The following LRRIQ1 variants were observed in gnomAD, a reference collection of about 807,000 sequenced individuals.
LRRIQ1 encodes the protein leucine-rich repeat- and IQ domain-containing protein 1.
A neutral mutation model predicts 211.9 loss-of-function variants in LRRIQ1; 210 were observed. The observed-to-expected ratio is 0.99, with a 90% confidence interval of 0.89 to 1.11. The LOEUF is 1.11. Ranked by LOEUF, LRRIQ1 falls within the 50% of genes most tolerant of loss-of-function variation. LRRIQ1 has a pLI of 0.00. For missense variants in LRRIQ1, 2,136 were observed against 1,939.5 expected (o/e 1.10, Z -1.90); for synonymous variants, 699 against 650.1 (o/e 1.08, Z -1.14).
At position 85,106,096 on chromosome 12, in the gene LRRIQ1, C is replaced by G. The variant is rs943089087; in HGVS notation, c.3284-426C>G. On this transcript the variant is annotated intron_variant, in intron 14 of 26. Coordinates refer to ENST00000393217, the MANE Select transcript of LRRIQ1 (RefSeq NM_001079910.2). ...CAGGTGTGAGCCACTGCCTCCGGCC[C>G]TATATTGACTTTTTTAAGGTAAAAA... 1.8e-4 allele frequency among the ~76,000 whole-genome samples: 28 copies of G among 152,012 alleles called. 1 individual carries two copies. Among genetic ancestry groups the G allele is most frequent in the Non-Finnish European group, 1.9e-4 (13 of 67,976 alleles).
downstream of LRRIQ1, chr12:85,245,113 A>C (rs1177649559): frequency 3.4e-6 from 4 of 1,164,938 alleles, no homozygotes; most frequent in Admixed American, 1.0e-4. Context: ...TAACTGCATC[A>C]GTTTTTATTT....
chr12:85,081,970 G>A (rs955347227), intron 11 of LRRIQ1, among the ~76,000 whole-genome samples: 3 of 151,808 alleles, frequency 2.0e-5, no homozygotes, highest in African/African-American at 4.8e-5. Context: ...TCATCTGCTC[G>A]CCTCGGCGTC....
At chr12:85,238,525 G>A (rs1895303555) in intron 26 of LRRIQ1, among the ~76,000 whole-genome samples, 1 of 151,918 alleles carries the variant, frequency 6.6e-6, no homozygotes, top group South Asian at 2.1e-4. Flanking sequence ...AAGGATTATG[G>A]TTCACTATCG....
chr12:85,084,219 A>C (rs1274183415), intron 11 of LRRIQ1, among the ~76,000 whole-genome samples: 1 of 152,212 alleles, frequency 6.6e-6, no homozygotes, highest in Non-Finnish European at 1.5e-5. Context: ...ATAAAATTGC[A>C]ATAAAAATAG....
rs1477636011 is a variant in LRRIQ1, at chr12:85,065,878, G to A, written c.2544+464G>A. Among the ~76,000 whole-genome samples, 5 of 151,986 alleles carry A rather than the reference G, an allele frequency of 3.3e-5. No individual in the cohort carries two copies. In the South Asian group the frequency reaches 8.3e-4, roughly 25 times the overall value. On this transcript the variant is annotated intron_variant, in intron 9 of 26. Coordinates refer to ENST00000393217, the MANE Select transcript of LRRIQ1 (RefSeq NM_001079910.2). ...GTCTGCTGCCTTGGCAGGATTGTCC[G>A]GAAGATGGGAATCTCTCTAGTTATC... is the stretch of plus-strand genomic sequence containing the variant.
rs1287278211 is a variant in LRRIQ1 at position 85,106,595 on chromosome 12, T to G, written c.3357T>G (p.Leu1119=). 6.2e-7 allele frequency: 1 copy of G among 1,611,708 alleles called. No homozygotes were observed. Among genetic ancestry groups the G allele is most frequent in the Non-Finnish European group, 8.5e-7 (1 of 1,178,494 alleles). Residue 1119 remains leucine (L), a synonymous_variant, in exon 15 of 27, where the codon CTT becomes CTG. Transcript: ENST00000393217. ...LHELSLTGNP[L]LQETNWRDSL... Reference sequence around the variant, plus strand: ...AATTGTCTCTTACTGGAAACCCACTTCTTCAAGAAACAAACTGGAGGTAAA... The same window carrying G: ...AATTGTCTCTTACTGGAAACCCACTGCTTCAAGAAACAAACTGGAGGTAAA...
At chr12:85,082,919 A>C (rs1250934873) in intron 11 of LRRIQ1, among the ~76,000 whole-genome samples, 1 of 152,184 alleles carries the variant, frequency 6.6e-6, no homozygotes, top group African/African-American at 2.4e-5. Context: ...GGACACAAAC[A>C]ATCTACAGTC....
At chr12:85,133,357 C>G (rs112026255) in intron 18 of LRRIQ1, among the ~76,000 whole-genome samples, 2 of 152,214 alleles carry the variant, frequency 1.3e-5, no homozygotes, top group East Asian at 3.9e-4. Flanking sequence ...GACTAGATAA[C>G]ATAGCCCCTC....
intron 24 of LRRIQ1, among the ~76,000 whole-genome samples, chr12:85,165,590 A>G (rs897893530): frequency 4.8e-5 from 7 of 147,136 alleles, no homozygotes; most frequent in Admixed American, 1.4e-4. Flanking sequence ...CTCCTGCCTC[A>G]TCCTCCCAAG....
intron 11 of LRRIQ1, among the ~76,000 whole-genome samples, chr12:85,082,477 A>C (rs1884402392): frequency 9.1e-6 from 1 of 110,416 alleles, no homozygotes; most frequent in African/African-American, 4.6e-5. Flanking sequence ...TTCTTCAAAT[A>C]TTTTTTCCTT....
At chr12:85,116,614 CAT>C (rs1426584907) in intron 15 of LRRIQ1, among the ~76,000 whole-genome samples, 4 of 152,040 alleles carry the variant, frequency 2.6e-5, no homozygotes, top group Non-Finnish European at 4.4e-5. Flanking sequence ...CAGGTAAACA[CAT>C]GTCATGGGGG....
chr12:85,092,584 A>C (rs1294642392), intron 11 of LRRIQ1, among the ~76,000 whole-genome samples: 4 of 152,220 alleles, frequency 2.6e-5, no homozygotes, highest in African/African-American at 7.2e-5. Context: ...TTTCCACTTA[A>C]ATCACGAGTT....
intron 1 of LRRIQ1, among the ~76,000 whole-genome samples, chr12:85,253,197 T>C (rs1195058694): frequency 2.0e-5 from 3 of 152,022 alleles, no homozygotes; most frequent in African/African-American, 4.8e-5. Context: ...GTTTTCTCTT[T>C]CCATTCCTAC....
intron 11 of LRRIQ1, among the ~76,000 whole-genome samples, chr12:85,080,671 G>GT (rs1256331851): frequency 0.011 from 1,443 of 128,944 alleles, 15 homozygotes; most frequent in Non-Finnish European, 0.016. Context: ...ATTTTTACTT[G>GT]TTTTTTTTTT....
chr12:85,099,851 TA>T (rs1886209395), intron 13 of LRRIQ1, among the ~76,000 whole-genome samples: 1 of 151,828 alleles, frequency 6.6e-6, no homozygotes. Flanking sequence ...AGGCATATAC[TA>T]AATGACTTAA....
downstream of LRRIQ1, among the ~76,000 whole-genome samples, chr12:85,265,138 T>C (rs1306582344): frequency 2.6e-5 from 4 of 152,066 alleles, no homozygotes; most frequent in East Asian, 7.7e-4. Context: ...AATACTGACA[T>C]GAAGTTTAGA....
At chr12:85,243,594 T>G (rs1189050610) in intron 26 of LRRIQ1, among the ~76,000 whole-genome samples, 1 of 151,146 alleles carries the variant, frequency 6.6e-6, no homozygotes, top group African/African-American at 2.4e-5. Flanking sequence ...TTTGCTCAAT[T>G]TAGCCATTCC....
At chr12:85,193,367 T>C (rs1892706170) in intron 24 of LRRIQ1, among the ~76,000 whole-genome samples, 1 of 123,140 alleles carries the variant, frequency 8.1e-6, no homozygotes, top group Admixed American at 9.9e-5. Flanking sequence ...AGACACATAA[T>C]TGTCAGATTC....
chr12:85,208,522 T>A (rs560747061), intron 24 of LRRIQ1, among the ~76,000 whole-genome samples: 1 of 152,238 alleles, frequency 6.6e-6, no homozygotes, highest in African/African-American at 2.4e-5. Flanking sequence ...ATTAGCCCAT[T>A]TGAATACTTA....
Sources: allele counts gnomAD v4.1 joint callset (sites outside exome capture counted in the v4.1 genomes callset), GRCh38; gene constraint gnomAD v4.1.1; transcripts MANE v1.5; gene names NCBI Gene and HGNC (gene_info 2026-07-23, HGNC 2026-07-21).